Variants in ROS1 observed in about 807,000 individuals in gnomAD.
ROS1 encodes the protein proto-oncogene tyrosine-protein kinase ROS.
A neutral mutation model predicts 273.5 loss-of-function variants in ROS1; 263 were observed. That is an observed-to-expected ratio of 0.96 (90% CI 0.87 to 1.06). The LOEUF (loss-of-function observed/expected upper bound fraction) is 1.06, where lower values mean the gene tolerates loss of function less well. Among genes scored for constraint, ROS1 ranks in the 50% least tolerant of loss-of-function variants. The pLI is 0.00. For missense variants in ROS1, 2,833 were observed against 2,751.1 expected, an observed-to-expected ratio of 1.03 and a Z score of -0.67; for synonymous variants, 1,008 against 954.1, an observed-to-expected ratio of 1.06 and a Z score of -1.04.
rs1191755062 is a variant in ROS1 at position 117,404,434 on chromosome 6, G to A, written c.317-6C>T. On this transcript the variant is annotated splice_region_variant and splice_polypyrimidine_tract_variant and intron_variant, in intron 5 of 43. Transcript: ENST00000368507. ...AGTTGGTAGGTCTGCATTTTCTGGGGAAAAAACAAGATTTCACTCACCACG... is the reference window on the plus strand; with the variant it reads ...AGTTGGTAGGTCTGCATTTTCTGGGAAAAAAACAAGATTTCACTCACCACG... The A allele has an allele frequency of 6.2e-7, 1 of 1,611,238 alleles. No individual in the cohort carries two copies. The highest frequency in any genetic ancestry group is 1.3e-5 in the African/African-American group (1 of 74,650).
chr6:117,342,434 T>G lies in ROS1; in HGVS notation c.4617A>C (p.Pro1539=). 6.2e-7 allele frequency: 1 copy of G among 1,611,946 alleles called. No individual in the cohort carries two copies. Among genetic ancestry groups the G allele is most frequent in the Non-Finnish European group, 8.5e-7 (1 of 1,179,042 alleles). The change falls in exon 29 of 44, where the codon CCA becomes CCC. Residue 1539 remains proline (P), a synonymous_variant. Coordinates refer to ENST00000368507, the MANE Select transcript of ROS1 (RefSeq NM_001378902.1). ...YYSDPLEHLP[P]GKEIWGKTKN... ...TAGTTTTTCCCCAAATCTCTTTTCC[T>G]GGTGGTAAATGTTCCAAAGGATCTG...
intron 35 of ROS1, among the ~76,000 whole-genome samples, 175 bp from the exon 36 acceptor site, chr6:117,321,569 G>A (rs1776294891): frequency 1.3e-5 from 2 of 151,814 alleles, no homozygotes; most frequent in South Asian, 2.1e-4. Flanking sequence ...ATTAAATCCA[G>A]GTAAAAAGCC....
intron 12 of ROS1, among the ~76,000 whole-genome samples, chr6:117,392,133 C>A (rs1012914794): frequency 6.6e-6 from 1 of 152,124 alleles, no homozygotes; most frequent in Non-Finnish European, 1.5e-5. Flanking sequence ...GGACCGTAGA[C>A]CTTTACACAT....
chr6:117,408,482 A>C (rs1473325064), intron 5 of ROS1, among the ~76,000 whole-genome samples: 3 of 152,258 alleles, frequency 2.0e-5, no homozygotes, highest in Non-Finnish European at 4.4e-5. Context: ...ATCACTGGCC[A>C]TCAGAGAAAT....
rs186956736 is a variant in ROS1, at chr6:117,352,026, T to C, written c.4303+964A>G. Among the ~76,000 whole-genome samples, 419 of 152,320 alleles carry C rather than the reference T, an allele frequency of 2.8e-3. 4 individuals carry two copies. Among genetic ancestry groups the C allele is most frequent in the African/African-American group, 9.2e-3 (383 of 41,560 alleles). ...AGTTATAGTTAATTTAGAATGATATTTGCACCTTAGTGGCAAAGACGGCTT... is the reference window on the plus strand; with the variant it reads ...AGTTATAGTTAATTTAGAATGATATCTGCACCTTAGTGGCAAAGACGGCTT... On this transcript the variant is annotated intron_variant, in intron 27 of 43. Transcript: ENST00000368507.
In ROS1 at chr6:117,396,271, CA is replaced by C. The variant is rs2128715619; in HGVS notation, c.807-8del. ...TACTGCTGCAATAGAAAACCTATTC[CA>C]AAAACAATTTGGAGAGACGTGTTTC... On this transcript the variant is annotated splice_region_variant and splice_polypyrimidine_tract_variant and intron_variant, in intron 8 of 43. Transcript: ENST00000368507. The C allele has an allele frequency of 6.2e-7, 1 of 1,608,200 alleles. No individual in the cohort carries two copies. Among genetic ancestry groups the C allele is most frequent in the Non-Finnish European group, 8.5e-7 (1 of 1,175,032 alleles).
chr6:117,362,488 C>A (rs756702078), intron 22 of ROS1, 115 bp downstream of exon 22: 65 of 934,214 alleles, frequency 7.0e-5, no homozygotes, highest in Non-Finnish European at 9.3e-5. Flanking sequence ...AGTGGCCAAT[C>A]AAAATCTAGG....
At chr6:117,379,461 G>A (rs1771935331) in intron 17 of ROS1, among the ~76,000 whole-genome samples, 1 of 152,028 alleles carries the variant, frequency 6.6e-6, no homozygotes, top group Non-Finnish European at 1.5e-5. Context: ...AGCATCACCT[G>A]GAAGCTTGGA....
intron 18 of ROS1, among the ~76,000 whole-genome samples, chr6:117,376,990 T>G (rs1475037696): frequency 1.3e-5 from 2 of 152,156 alleles, no homozygotes; most frequent in Non-Finnish European, 1.5e-5. Context: ...TTGCCTGTCT[T>G]CAAGTTTTTC....
chr6:117,342,474 A>T lies in ROS1; in HGVS notation c.4577T>A (p.Val1526Glu). The T allele has an allele frequency of 6.2e-7, 1 of 1,607,748 alleles. No homozygotes were observed. The highest frequency in any genetic ancestry group is 8.5e-7 in the Non-Finnish European group (1 of 1,174,922). ...CAAAGGATCTGAATAATAATTTTTTACAGCTATCTGTATCATGTATGTTGA... is the reference window on the plus strand; with the variant it reads ...CAAAGGATCTGAATAATAATTTTTTTCAGCTATCTGTATCATGTATGTTGA... ...PFSTYMIQIAVKNYYSDPLEH... is the reference protein window; with the variant it reads ...PFSTYMIQIAEKNYYSDPLEH... The change falls in exon 29 of 44, where the codon GTA (valine) becomes GAA (glutamate). Residue 1526 changes from valine to glutamate, a missense_variant. Transcript: ENST00000368507.
At chr6:117,354,133 T>C (rs1779098277) in intron 26 of ROS1, among the ~76,000 whole-genome samples, 1 of 152,148 alleles carries the variant, frequency 6.6e-6, no homozygotes, top group Admixed American at 6.5e-5. Flanking sequence ...GGCAGATTGC[T>C]TGAGCCCAGG....
intron 20 of ROS1, 141 bp downstream of exon 20, chr6:117,365,440 A>C: frequency 1.3e-6 from 1 of 797,588 alleles, no homozygotes; most frequent in Non-Finnish European, 2.0e-6. Flanking sequence ...TCTGGGGAAT[A>C]ATCTTAATGA....
rs2128638237 is a variant in ROS1 at position 117,353,136 on chromosome 6, C to T, written c.4157G>A (p.Gly1386Glu). Residue 1386 changes from glycine (G) to glutamate (E), a missense_variant, in exon 27 of 44, where the codon GGA (glycine) becomes GAA (glutamate). Coordinates refer to ENST00000368507, the MANE Select transcript of ROS1 (RefSeq NM_001378902.1). Reference sequence around the variant, plus strand: ...TGTGATGATCCAGTATATAAGATCTCCATCCACAGTTAAGCTAACAAGGGT... The same window carrying T: ...TGTGATGATCCAGTATATAAGATCTTCATCCACAGTTAAGCTAACAAGGGT... ...GKTLVSLTVD[G>E]DLIYWIITAK... is the part of the protein sequence containing the mutation. 17 of 1,612,294 alleles carry T rather than the reference C, an allele frequency of 1.1e-5. No individual in the cohort carries two copies. The highest frequency in any genetic ancestry group is 1.4e-5 in the Non-Finnish European group (17 of 1,179,122).
intron 26 of ROS1, among the ~76,000 whole-genome samples, chr6:117,355,713 G>A (rs1779252694): frequency 6.6e-6 from 1 of 151,732 alleles, no homozygotes; most frequent in Non-Finnish European, 1.5e-5. Flanking sequence ...GGGTTCAAGT[G>A]AGTCTTCCTG....
intron 7 of ROS1, among the ~76,000 whole-genome samples, chr6:117,398,337 T>G (rs968570484): frequency 1.3e-5 from 2 of 152,060 alleles, no homozygotes. Context: ...TGACAATCAT[T>G]CCTTTGTTAA....
chr6:117,326,323 TG>T lies in ROS1; in HGVS notation c.5439del (p.Asn1815ThrfsTer2), dbSNP rs2128582004. On this transcript the variant is annotated frameshift_variant, in exon 34 of 44. Coordinates refer to ENST00000368507, the MANE Select transcript of ROS1 (RefSeq NM_001378902.1). LOFTEE classifies it high-confidence loss of function. ...AACTGAAATATTCCTTTCAGGTTTT[TG>T]GACTTCCATGTGCAAACACTACTGC... ...GSCSSVCTWK[S>X]KNLKGIFQFR... is the part of the protein sequence containing the mutation. The T allele has an allele frequency of 6.2e-7, 1 of 1,603,904 alleles. No individual in the cohort carries two copies. Among genetic ancestry groups the T allele is most frequent in the Non-Finnish European group, 8.5e-7 (1 of 1,176,430 alleles).
At position 117,287,491 on chromosome 6, in the gene ROS1, G is replaced by T. The variant is rs896853548; in HGVS notation, c.*1001C>A. On this transcript the variant is annotated 3_prime_UTR_variant, in exon 44 of 44. Transcript: ENST00000368507. ...AATTTCCATAATAGCACACAAGTCA[G>T]AGTGATTTTATACAACTGAAGATTA... Among the ~76,000 whole-genome samples the T allele has an allele frequency of 6.6e-6, 1 of 152,180 alleles. No homozygotes were observed. The highest frequency in any genetic ancestry group is 1.5e-5 in the Non-Finnish European group (1 of 68,038).
chr6:117,407,758 T>A (rs969465670), intron 5 of ROS1, among the ~76,000 whole-genome samples: 2 of 152,094 alleles, frequency 1.3e-5, no homozygotes, highest in African/African-American at 4.8e-5. Context: ...CATTGCCAAG[T>A]CAATCCTAAG....
At chr6:117,395,750 T>C (rs1773437912) in intron 9 of ROS1, among the ~76,000 whole-genome samples, 1 of 152,134 alleles carries the variant, frequency 6.6e-6, no homozygotes, top group South Asian at 2.1e-4. Flanking sequence ...TATAGTAAAA[T>C]GTAAATTATT....
Sources: allele counts gnomAD v4.1 joint callset (sites outside exome capture counted in the v4.1 genomes callset), GRCh38; gene constraint gnomAD v4.1.1; transcripts MANE v1.5; gene names NCBI Gene and HGNC (gene_info 2026-07-23, HGNC 2026-07-21).